The following STAT5A variants were observed in gnomAD, a reference collection of about 807,000 sequenced individuals.
STAT5A encodes the protein signal transducer and activator of transcription 5A, also known as epididymis secretory sperm binding protein.
A neutral mutation model predicts 100.2 loss-of-function variants in STAT5A; 26 were observed. That is an observed-to-expected ratio of 0.26 (90% CI 0.19 to 0.36). The LOEUF (loss-of-function observed/expected upper bound fraction) is 0.36. STAT5A is among the 10% of genes least tolerant of loss of function. STAT5A has a pLI of 1.00. For synonymous variants in STAT5A, 330 were observed against 424.3 expected, an observed-to-expected ratio of 0.78 and a Z score of 2.73; for missense variants, 634 against 1,027.5, an observed-to-expected ratio of 0.62 and a Z score of 5.24.
Position 42,289,411 on chromosome 17 carries a change from C to T in STAT5A, c.-1C>T. 1 of 1,609,138 alleles carries T rather than the reference C, an allele frequency of 6.2e-7. No individual in the cohort carries two copies. The highest frequency in any genetic ancestry group is 8.5e-7 in the Non-Finnish European group (1 of 1,177,996). On this transcript the variant is annotated 5_prime_UTR_variant, in exon 2 of 19. Transcript: ENST00000590949. ...GCTCGGCTCGCCCTAGGTGAACGGC[C>T]ATGGCGGGCTGGATCCAGGCCCAGC...
At chr17:42,295,406 G>A (rs2080909090) in intron 4 of STAT5A, among the ~76,000 whole-genome samples, 1 of 152,080 alleles carries the variant, frequency 6.6e-6, no homozygotes, top group African/African-American at 2.4e-5. Flanking sequence ...TATCTGCCAG[G>A]TCACCTGTTT....
chr17:42,289,664 G>A (rs913505102), intron 2 of STAT5A, 125 bp downstream of exon 2: 12 of 1,450,718 alleles, frequency 8.3e-6, no homozygotes, highest in South Asian at 1.4e-5. Flanking sequence ...TGCGGAAGGG[G>A]TGGTGCCCCT....
intron 2 of STAT5A, 130 bp downstream of exon 2, chr17:42,289,669 G>A (rs1484632846): frequency 4.2e-6 from 6 of 1,433,014 alleles, no homozygotes; most frequent in Non-Finnish European, 5.6e-6. Flanking sequence ...AAGGGGTGGT[G>A]CCCCTGGGAA....
At position 42,308,283 on chromosome 17, in the gene STAT5A, C is replaced by T. The variant is rs1266628382; in HGVS notation, c.2012C>T (p.Pro671Leu). 2 of 1,614,110 alleles carry T rather than the reference C, an allele frequency of 1.2e-6. No homozygotes were observed. ...GDLSYLIYVFPDRPKDEVFSK... is the reference protein window; with the variant it reads ...GDLSYLIYVFLDRPKDEVFSK... ...CTGAGCTATCTCATCTATGTGTTTCCTGACCGCCCCAAGGATGAGGTCTTC... is the reference window on the plus strand; with the variant it reads ...CTGAGCTATCTCATCTATGTGTTTCTTGACCGCCCCAAGGATGAGGTCTTC... Residue 671 changes from proline to leucine, a missense_variant, in exon 16 of 19, where the codon CCT (proline) becomes CTT (leucine). Physicochemically the swap from Pro to Leu is moderately conservative, Grantham distance 98. Around this residue, in one of 5 missense-constraint regions of STAT5A, gnomAD observed 210 missense variants for 428.4 expected, o/e 0.49. Coordinates refer to ENST00000590949, the MANE Select transcript of STAT5A (RefSeq NM_001288718.2). This position sits in a 1 kb window ranked among gnomAD's most constrained non-coding sequence, Gnocchi z 4.6.
rs1432147040 is a variant in STAT5A at position 42,309,437 on chromosome 17, C to T, written c.2175C>T (p.Pro725=). ...GCGCCACGTACATGGACCAGGCCCC[C>T]TCCCCAGCTGTGTGCCCCCAGGCTC... ...GSSATYMDQA[P]SPAVCPQAPY... is the part of the protein sequence containing the mutation. Residue 725 remains proline, a synonymous_variant, in exon 18 of 19, where the codon CCC becomes CCT. Transcript: ENST00000590949. The T allele has an allele frequency of 1.2e-5, 20 of 1,613,774 alleles. 1 individual carries two copies. Among genetic ancestry groups the T allele is most frequent in the Non-Finnish European group, 1.5e-5 (18 of 1,179,994 alleles).
intron 15 of STAT5A, 122 bp downstream of exon 15, chr17:42,307,845 A>T (rs1014853361): frequency 6.5e-6 from 9 of 1,391,384 alleles, no homozygotes; most frequent in Non-Finnish European, 8.8e-6. Flanking sequence ...GCTTAGTATG[A>T]GAGGGCTGTG....
chr17:42,304,725 C>T lies in STAT5A; in HGVS notation c.1380+73C>T. On this transcript the variant is annotated intron_variant, in intron 11 of 18. Transcript: ENST00000590949. This position sits in a 1 kb window ranked among gnomAD's most constrained non-coding sequence, Gnocchi z 4.8. ...GGTGGAGGGGCCTGCCTCAGGACTC[C>T]TGGCAGCAATGCCATCGGACAGCCT... 1 of 1,593,126 alleles carries T rather than the reference C, an allele frequency of 6.3e-7. No individual in the cohort carries two copies. Among genetic ancestry groups the T allele is most frequent in the African/African-American group, 1.3e-5 (1 of 74,700 alleles).
chr17:42,296,900 T>A (rs1173160462), intron 5 of STAT5A, among the ~76,000 whole-genome samples: 1 of 152,198 alleles, frequency 6.6e-6, no homozygotes, highest in Non-Finnish European at 1.5e-5. Context: ...TGCCTGAATA[T>A]TGCAGCTATT....
intron 14 of STAT5A, 22 bp from the exon 15 acceptor site, chr17:42,307,571 G>A (rs780276781): frequency 1.4e-4 from 230 of 1,613,946 alleles, no homozygotes; most frequent in Non-Finnish European, 1.9e-4. Context: ...CAGTGGTGAC[G>A]CTCAATGCTC....
At position 42,303,784 on chromosome 17, in the gene STAT5A, T is replaced by G. The variant is rs534269819; in HGVS notation, c.1170-558T>G. Among the ~76,000 whole-genome samples, 4 of 151,912 alleles carry G rather than the reference T, an allele frequency of 2.6e-5. No individual in the cohort carries two copies. In the South Asian group the frequency reaches 8.3e-4, roughly 32 times the overall value. On this transcript the variant is annotated intron_variant, in intron 9 of 18. Coordinates refer to ENST00000590949, the MANE Select transcript of STAT5A (RefSeq NM_001288718.2). ...AAGGCGGGGGTGAGGAAAGGTCAGC[T>G]TGGTAAGCTTCTCCAGATAAGTGGT...
chr17:42,297,229 G>A (rs1238893612), intron 5 of STAT5A, among the ~76,000 whole-genome samples: 1 of 152,114 alleles, frequency 6.6e-6, no homozygotes, highest in South Asian at 2.1e-4. Flanking sequence ...GAGCCACGGT[G>A]CCCAGCCAAT....
chr17:42,306,125 A>G, intron 12 of STAT5A, 116 bp from the exon 13 acceptor site: 1 of 1,543,122 alleles, frequency 6.5e-7, no homozygotes, highest in Non-Finnish European at 8.8e-7. Context: ...CATTTGTGTC[A>G]CCTTTCTGGA....
chr17:42,298,858 A>T (rs2144524670), intron 5 of STAT5A, among the ~76,000 whole-genome samples: 1 of 152,270 alleles, frequency 6.6e-6, no homozygotes, highest in South Asian at 2.1e-4. Context: ...GAGACTCCTC[A>T]CAGATGGTGT....
In STAT5A at chr17:42,304,150, C is replaced by T; in HGVS notation, c.1170-192C>T. 1.7e-6 allele frequency: 1 copy of T among 597,684 alleles called. No homozygotes were observed. The highest frequency in any genetic ancestry group is 3.0e-6 in the Non-Finnish European group (1 of 336,476). The allele number at this position is 597,684 out of a possible 1,614,324, so 37.0% of individuals were successfully genotyped here. A position where few individuals can be genotyped will look rare whatever the true frequency, so the allele number is the denominator to read the frequency against. On this transcript the variant is annotated intron_variant, in intron 9 of 18. Transcript: ENST00000590949. The surrounding 1 kb of genome is among the most constrained non-coding windows in gnomAD (Gnocchi z 4.8). The stretch of plus-strand genomic sequence containing the variant: ...CCAGACCTCACCACTGGAGACCTTG[C>T]CTTGGGTGCTGGGCACCAGGTTGAT...
intron 17 of STAT5A, 71 bp downstream of exon 17, chr17:42,309,169 G>T (rs1176919497): frequency 7.4e-6 from 12 of 1,611,482 alleles, no homozygotes; most frequent in Non-Finnish European, 9.3e-6. Context: ...CTCCCATCCT[G>T]ATCCTGGGCC....
intron 9 of STAT5A, among the ~76,000 whole-genome samples, chr17:42,302,130 C>T (rs977283105): frequency 6.6e-6 from 1 of 152,224 alleles, no homozygotes; most frequent in African/African-American, 2.4e-5. Flanking sequence ...TGTGCCATGG[C>T]ACTCTACCCT....
At chr17:42,294,414 T>A (rs906126663) in intron 4 of STAT5A, among the ~76,000 whole-genome samples, 1 of 152,148 alleles carries the variant, frequency 6.6e-6, no homozygotes. Context: ...CAACTGTTCC[T>A]GAACACCCCT....
At position 42,306,189 on chromosome 17, in the gene STAT5A, A is replaced by C. The variant is rs1214356396; in HGVS notation, c.1474-52A>C. The C allele has an allele frequency of 2.5e-6, 4 of 1,613,380 alleles. No individual in the cohort carries two copies. In the Admixed American group the frequency reaches 5.0e-5, roughly 20 times the overall value. On this transcript the variant is annotated intron_variant, in intron 12 of 18. Coordinates refer to ENST00000590949, the MANE Select transcript of STAT5A (RefSeq NM_001288718.2). ...GTCTGTGTATCTTGTGTGTGTGTGA[A>C]TATTTCCAACTCCCTCAATCTACCT...
At chr17:42,292,352 G>A (rs1279970623) in intron 4 of STAT5A, among the ~76,000 whole-genome samples, 27 of 150,910 alleles carry the variant, frequency 1.8e-4, no homozygotes, top group Non-Finnish European at 2.9e-5. Flanking sequence ...TTTTTGAGAC[G>A]GATTCTTGCT....
Sources: gnomAD v4.1 joint callset for allele counts (sites outside exome capture counted in the v4.1 genomes callset) on GRCh38, gnomAD v4.1.1 for gene constraint, gnomAD v4.1.1 regional missense constraint, Gnocchi (gnomAD v3.1) non-coding constraint, MANE v1.5 for transcripts, NCBI Gene and HGNC (gene_info 2026-07-23, HGNC 2026-07-21) for gene names.